CEP112: variants seen among roughly 807,000 people sequenced by gnomAD.
CEP112 encodes the protein centrosomal protein of 112 kDa.
CEP112 carries 127 observed loss-of-function variants against 153.0 expected under a neutral mutation model. The ratio of observed to expected loss-of-function variants is 0.83; its 90% confidence interval spans 0.72 to 0.96. The LOEUF (loss-of-function observed/expected upper bound fraction) is 0.96. CEP112 is among the 40% of genes least tolerant of loss of function. CEP112 has a pLI of 0.00. For synonymous variants in CEP112, 358 were observed against 374.4 expected (o/e 0.96, Z 0.51); for missense variants, 1,089 against 1,101.2 (o/e 0.99, Z 0.16).
intron 9 of CEP112, 125 bp downstream of exon 9, chr17:66,069,790 G>A: frequency 1.7e-6 from 1 of 577,188 alleles, no homozygotes; most frequent in Non-Finnish European, 3.0e-6. Context: ...ATAACAGAAT[G>A]TCATAAAGTA....
chr17:66,043,031 C>A (rs2066051425), intron 12 of CEP112: 1 of 912,234 alleles, frequency 1.1e-6, no homozygotes, highest in South Asian at 5.1e-5. Flanking sequence ...TCACTACTAA[C>A]ATAGTTAAAT....
intron 19 of CEP112, among the ~76,000 whole-genome samples, chr17:65,924,631 T>C (rs1016666102): frequency 4.6e-5 from 7 of 152,176 alleles, no homozygotes; most frequent in African/African-American, 1.4e-4. Context: ...GCAACTCTTT[T>C]AAAACATGTC....
chr17:65,937,184 T>C (rs201514972), intron 18 of CEP112, among the ~76,000 whole-genome samples: 51,860 of 124,196 alleles, frequency 0.42, 12,257 homozygotes, highest in East Asian at 0.87. Context: ...ACCTCCCAGC[T>C]GCCTGCCTTG....
intron 23 of CEP112, among the ~76,000 whole-genome samples, chr17:65,727,249 G>A (rs189234051): frequency 1.3e-5 from 2 of 152,232 alleles, no homozygotes; most frequent in African/African-American, 2.4e-5. Context: ...GAGTAAGAAT[G>A]AGCATTTTTT....
chr17:65,722,760 A>G (rs1214182385), intron 23 of CEP112, among the ~76,000 whole-genome samples: 3 of 152,238 alleles, frequency 2.0e-5, no homozygotes, highest in African/African-American at 7.2e-5. Flanking sequence ...GGTGAGCTTA[A>G]GTGGAAAACT....
At chr17:65,734,685 C>G (rs1451948132) in intron 23 of CEP112, among the ~76,000 whole-genome samples, 8 of 152,168 alleles carry the variant, frequency 5.3e-5, no homozygotes, top group Non-Finnish European at 1.2e-4. Context: ...TGCTTTCAAT[C>G]TCTTGCAAGA....
At chr17:65,977,296 C>T (rs1379138638) in intron 17 of CEP112, among the ~76,000 whole-genome samples, 1 of 152,170 alleles carries the variant, frequency 6.6e-6, no homozygotes, top group Non-Finnish European at 1.5e-5. Flanking sequence ...CCTAGTCAAC[C>T]TTCCTCATAG....
rs115241984 is a variant in CEP112 at position 65,696,976 on chromosome 17, G to A, written c.2608-7758C>T. ...TTACCCCATGAATGTTTTGAACACA[G>A]AATGAAGAGACCAGGGGGGTAGGAT... On this transcript the variant is annotated intron_variant, in intron 23 of 26. Transcript: ENST00000535342. Among the ~76,000 whole-genome samples the A allele has an allele frequency of 8.6e-3, 1,306 of 152,254 alleles. 18 individuals carry two copies. Among genetic ancestry groups the A allele is most frequent in the African/African-American group, 0.03 (1,227 of 41,540 alleles).
intron 21 of CEP112, among the ~76,000 whole-genome samples, chr17:65,786,685 CA>C (rs1204610797): frequency 4.0e-5 from 6 of 150,592 alleles, no homozygotes; most frequent in African/African-American, 1.2e-4. Flanking sequence ...CTCCTGGGCT[CA>C]AGCTATCCTG....
chr17:65,970,438 C>T (rs1220373699), intron 17 of CEP112, among the ~76,000 whole-genome samples: 3 of 72,378 alleles, frequency 4.1e-5, no homozygotes, highest in East Asian at 7.9e-3. Context: ...ATGCACACAT[C>T]ATGCATGTAT....
At chr17:65,646,623 A>G (rs2045445026) in intron 24 of CEP112, among the ~76,000 whole-genome samples, 1 of 152,232 alleles carries the variant, frequency 6.6e-6, no homozygotes, top group Non-Finnish European at 1.5e-5. Flanking sequence ...GAGGTAAAAC[A>G]TGATTTGAAC....
At chr17:65,751,855 AG>A (rs1267358770) in intron 21 of CEP112, among the ~76,000 whole-genome samples, 1 of 152,200 alleles carries the variant, frequency 6.6e-6, no homozygotes, top group Non-Finnish European at 1.5e-5. Context: ...TCACACAGCT[AG>A]GAAGTGATGA....
At chr17:66,132,535 G>T in intron 5 of CEP112, 135 bp downstream of exon 5, 1 of 677,938 alleles carries the variant, frequency 1.5e-6, no homozygotes, top group Non-Finnish European at 2.6e-6. Flanking sequence ...TTTAACATCA[G>T]GATGTTCACC....
intron 18 of CEP112, among the ~76,000 whole-genome samples, chr17:65,929,645 G>GTC (rs5821569): frequency 0.48 from 72,647 of 151,856 alleles, 18,359 homozygotes; most frequent in East Asian, 0.89. Flanking sequence ...TGTTTGTAAT[G>GTC]TCTCTCCTGC....
chr17:65,937,562 G>C (rs1599074980), intron 18 of CEP112, among the ~76,000 whole-genome samples: 1 of 102,172 alleles, frequency 9.8e-6, no homozygotes, highest in Non-Finnish European at 2.0e-5. Flanking sequence ...GTCCGGGAGG[G>C]AGGTGGGGGG....
At chr17:66,151,259 G>A (rs925307465) in intron 4 of CEP112, among the ~76,000 whole-genome samples, 7 of 151,996 alleles carry the variant, frequency 4.6e-5, no homozygotes, top group African/African-American at 1.4e-4. Context: ...TTTGCTCCTC[G>A]TTTTTCCTTC....
At chr17:65,881,477 C>T (rs1477051213) in intron 20 of CEP112, among the ~76,000 whole-genome samples, 1 of 152,084 alleles carries the variant, frequency 6.6e-6, no homozygotes, top group African/African-American at 2.4e-5. Flanking sequence ...TCAGACATAG[C>T]TTCAAACAAC....
intron 12 of CEP112, among the ~76,000 whole-genome samples, chr17:66,039,419 C>T (rs1297079150): frequency 1.3e-5 from 2 of 152,020 alleles, no homozygotes; most frequent in Non-Finnish European, 2.9e-5. Flanking sequence ...CTAATTTTAT[C>T]TTATTTCACA....
intron 24 of CEP112, among the ~76,000 whole-genome samples, chr17:65,668,430 C>T (rs957353216): frequency 1.3e-5 from 2 of 152,196 alleles, no homozygotes; most frequent in African/African-American, 4.8e-5. Flanking sequence ...GACCTTATTA[C>T]CCCTGTGACT....
Sources: allele counts gnomAD v4.1 joint callset (sites outside exome capture counted in the v4.1 genomes callset), GRCh38; gene constraint gnomAD v4.1.1; transcripts MANE v1.5; gene names NCBI Gene and HGNC (gene_info 2026-07-23, HGNC 2026-07-21).